UMAD1: variants seen among roughly 807,000 people sequenced by gnomAD.
UMAD1 encodes the protein UBAP1-MVB12-associated (UMA)-domain containing protein 1.
Under a neutral mutation model 6.1 loss-of-function variants are expected in UMAD1, and 8 were observed. The ratio of observed to expected loss-of-function variants is 1.30; its 90% CI spans 0.76 to 2.35. The LOEUF is 2.35. UMAD1 is among the 30% of genes most tolerant of loss of function. The probability of loss-of-function intolerance (pLI) is 0.00; values close to 1 mark genes in which losing one functional copy is unlikely to be tolerated. For missense variants in UMAD1, 130 were observed against 78.4 expected (o/e 1.66, Z -2.49); for synonymous variants, 56 against 31.4 (o/e 1.78, Z -2.61).
intron 2 of UMAD1, among the ~76,000 whole-genome samples, chr7:7,768,784 G>A (rs17137527): frequency 0.031 from 4,722 of 152,050 alleles, 257 homozygotes; most frequent in African/African-American, 0.11. Context: ...GTATATTATC[G>A]CACTTTACTA....
At chr7:7,790,882 T>C (rs1782555388) in intron 2 of UMAD1, among the ~76,000 whole-genome samples, 2 of 150,578 alleles carry the variant, frequency 1.3e-5, no homozygotes, top group African/African-American at 5.0e-5. Context: ...TGCAAGTGAC[T>C]GTTTTTCATT....
chr7:7,665,015 A>C (rs933374771), intron 1 of UMAD1, among the ~76,000 whole-genome samples: 2 of 150,146 alleles, frequency 1.3e-5, no homozygotes, highest in African/African-American at 4.9e-5. Context: ...ATATATATAT[A>C]CACACACACA....
Position 7,723,276 on chromosome 7 carries a change from A to C in UMAD1, c.82+49823A>C, listed in dbSNP as rs959252894. ...TGGGAATTGATATTAAGGGTGTGGG[A>C]TAATGGTGGAAGGAACATAGAGTTA... On this transcript the variant is annotated intron_variant, in intron 2 of 3. Transcript: ENST00000682710. Among the ~76,000 whole-genome samples, 78 of 152,328 alleles carry C rather than the reference A, an allele frequency of 5.1e-4. 1 individual carries two copies. Among genetic ancestry groups the C allele is most frequent in the African/African-American group, 1.8e-3 (74 of 41,564 alleles).
At chr7:7,815,832 A>C (rs1318854526) in intron 3 of UMAD1, among the ~76,000 whole-genome samples, 2 of 152,126 alleles carry the variant, frequency 1.3e-5, no homozygotes, top group Admixed American at 6.5e-5. Context: ...AGGAAGGATG[A>C]ATATTGGGTA....
intron 3 of UMAD1, among the ~76,000 whole-genome samples, chr7:7,820,272 G>A (rs60572793): frequency 0.15 from 22,982 of 151,884 alleles, 2,003 homozygotes; most frequent in Non-Finnish European, 0.19. Context: ...ATTTTCTGAC[G>A]TATTTAACTT....
At chr7:7,816,189 CA>C (rs60797257) in intron 3 of UMAD1, among the ~76,000 whole-genome samples, 137,164 of 152,018 alleles carry the variant, frequency 0.9, 61,913 homozygotes, top group Middle Eastern at 0.96. Flanking sequence ...CCCAAGGTCA[CA>C]AAAAAAACAG....
At chr7:7,843,695 A>G (rs950834308) in intron 3 of UMAD1, among the ~76,000 whole-genome samples, 1 of 152,138 alleles carries the variant, frequency 6.6e-6, no homozygotes, top group African/African-American at 2.4e-5. Flanking sequence ...AGTTGTAACA[A>G]AAGAGTTGCT....
At chr7:7,643,308 G>C (rs1025569553) in intron 1 of UMAD1, among the ~76,000 whole-genome samples, 2 of 152,194 alleles carry the variant, frequency 1.3e-5, no homozygotes, top group African/African-American at 2.4e-5. Context: ...CCTCAGATGG[G>C]CGTGCATGTA....
At chr7:7,703,650 T>C (rs1780523055) in intron 2 of UMAD1, among the ~76,000 whole-genome samples, 1 of 152,212 alleles carries the variant, frequency 6.6e-6, no homozygotes, top group Non-Finnish European at 1.5e-5. Context: ...CCTTCTTCTC[T>C]GGCCAATAGG....
intron 2 of UMAD1, among the ~76,000 whole-genome samples, chr7:7,800,387 GT>G (rs1385507400): frequency 6.6e-6 from 1 of 152,064 alleles, no homozygotes; most frequent in African/African-American, 2.4e-5. Flanking sequence ...TTTAGTTCTT[GT>G]TTCATGATTT....
rs143912485 is a variant in UMAD1, at chr7:7,658,172, A to G, written c.-63-15137A>G. Among the ~76,000 whole-genome samples the G allele has an allele frequency of 3.0e-4, 46 of 152,228 alleles. No individual in the cohort carries two copies. The East Asian group carries it at 8.5e-3, about 28-fold the overall frequency. ...TGCACATTGATTTTGTATCCTGAGA[A>G]TTTGCTGAAGTTGCTTATCAGCTTA... On this transcript the variant is annotated intron_variant, in intron 1 of 3. Coordinates refer to ENST00000682710, the MANE Select transcript of UMAD1 (RefSeq NM_001302348.2).
intron 3 of UMAD1, among the ~76,000 whole-genome samples, chr7:7,802,770 C>T (rs1056168946): frequency 2.0e-5 from 3 of 152,120 alleles, no homozygotes; most frequent in African/African-American, 7.2e-5. Context: ...CCATGGTTCC[C>T]TAATGCCTAG....
At chr7:7,656,301 T>C (rs776560999) in intron 1 of UMAD1, among the ~76,000 whole-genome samples, 2 of 152,174 alleles carry the variant, frequency 1.3e-5, no homozygotes, top group Non-Finnish European at 2.9e-5. Flanking sequence ...AACTTGTTCA[T>C]GTATTTAAAA....
chr7:7,688,504 G>C (rs1029510003), intron 2 of UMAD1, among the ~76,000 whole-genome samples: 3 of 152,148 alleles, frequency 2.0e-5, no homozygotes, highest in African/African-American at 7.2e-5. Flanking sequence ...GTTTCCTCAT[G>C]CAGAGTGCCC....
intron 3 of UMAD1, among the ~76,000 whole-genome samples, chr7:7,873,499 C>T (rs1784365069): frequency 6.6e-6 from 1 of 152,166 alleles, no homozygotes; most frequent in South Asian, 2.1e-4. Flanking sequence ...AGGATCTGCC[C>T]ACTGCAGATG....
chr7:7,760,762 A>G (rs1024298472), intron 2 of UMAD1, among the ~76,000 whole-genome samples: 2 of 152,188 alleles, frequency 1.3e-5, no homozygotes, highest in Admixed American at 6.5e-5. Context: ...CAGTGAAAGA[A>G]TAGACTAAAA....
At position 7,745,926 on chromosome 7, in the gene UMAD1, A is replaced by T. The variant is rs867846908; in HGVS notation, c.83-55744A>T. Among the ~76,000 whole-genome samples, 14 of 151,932 alleles carry T rather than the reference A, an allele frequency of 9.2e-5. No individual in the cohort carries two copies. The Middle Eastern group carries it at 0.01, about 111-fold the overall frequency. On this transcript the variant is annotated intron_variant, in intron 2 of 3. Transcript: ENST00000682710. ...TTATCCAAGTCTGTCTGGGACCGAG[A>T]CTTACCTTCTCATGGCTCACTGCAC...
chr7:7,804,003 A>T (rs1419872970), intron 3 of UMAD1, among the ~76,000 whole-genome samples: 1 of 152,248 alleles, frequency 6.6e-6, no homozygotes, highest in Non-Finnish European at 1.5e-5. Context: ...TGCTTTTAAG[A>T]TTACAATCCA....
chr7:7,704,298 A>C lies in UMAD1; in HGVS notation c.82+30845A>C, dbSNP rs191900270. ...AAACATTCATGTAAATATGTAAAAC[A>C]GTTAACTTAATAAATATATTTAAAA... On this transcript the variant is annotated intron_variant, in intron 2 of 3. Transcript: ENST00000682710. Among the ~76,000 whole-genome samples the C allele has an allele frequency of 4.5e-3, 678 of 152,292 alleles. 4 individuals are homozygous for C. The highest frequency in any genetic ancestry group is 0.016 in the African/African-American group (652 of 41,564).
Sources: allele counts gnomAD v4.1 joint callset (sites outside exome capture counted in the v4.1 genomes callset), GRCh38; gene constraint gnomAD v4.1.1; transcripts MANE v1.5; gene names NCBI Gene and HGNC (gene_info 2026-07-23, HGNC 2026-07-21).